Variants in KLHL14 observed in about 807,000 individuals in gnomAD.
The protein encoded by KLHL14 is kelch-like protein 14.
A neutral mutation model predicts 64.3 loss-of-function variants in KLHL14; 22 were observed. The observed-to-expected ratio is 0.34, with a 90% CI of 0.24 to 0.49. KLHL14 has a LOEUF of 0.49. Ranked by LOEUF, KLHL14 falls within the 20% of genes least tolerant of loss-of-function variation. KLHL14 has a pLI of 0.99. For missense variants in KLHL14, 661 were observed against 789.0 expected, an observed-to-expected ratio of 0.84 and a Z score of 1.94; for synonymous variants, 322 against 333.4, an observed-to-expected ratio of 0.97 and a Z score of 0.37.
chr18:32,755,418 G>A (rs2050276757), intron 2 of KLHL14, among the ~76,000 whole-genome samples: 1 of 152,018 alleles, frequency 6.6e-6, no homozygotes, highest in Non-Finnish European at 1.5e-5. Flanking sequence ...ATTCTGTAGT[G>A]CGCTAGGGAC....
intron 2 of KLHL14, among the ~76,000 whole-genome samples, chr18:32,759,532 A>G (rs796615340): frequency 2.6e-5 from 4 of 152,314 alleles, no homozygotes; most frequent in African/African-American, 9.6e-5. Flanking sequence ...AGTGGGTATT[A>G]TGATGTACAT....
intron 3 of KLHL14, among the ~76,000 whole-genome samples, chr18:32,713,297 C>A (rs1020662143): frequency 1.3e-5 from 2 of 152,144 alleles, no homozygotes; most frequent in Non-Finnish European, 1.5e-5. Context: ...TACCAGTGCC[C>A]CCAAACGAAC....
chr18:32,753,892 C>T (rs549234246), intron 2 of KLHL14, among the ~76,000 whole-genome samples: 1 of 152,360 alleles, frequency 6.6e-6, no homozygotes, highest in African/African-American at 2.4e-5. Flanking sequence ...CACCTTTCTT[C>T]TGAAGAGCAT....
At chr18:32,720,473 A>G (rs1456786487) in intron 3 of KLHL14, among the ~76,000 whole-genome samples, 1 of 152,128 alleles carries the variant, frequency 6.6e-6, no homozygotes, top group African/African-American at 2.4e-5. Flanking sequence ...TTCAAAGGCA[A>G]GGTAATTTTA....
Position 32,683,493 on chromosome 18 carries a change from C to T in KLHL14, c.1239-2894G>A, listed in dbSNP as rs942740498. ...ACCAGGTCTCTCTTGACAATGCTCC[C>T]TGCCCCTCTTCGCCACATGAAGAAC... On this transcript the variant is annotated intron_variant, in intron 5 of 8. Coordinates refer to ENST00000359358, the MANE Select transcript of KLHL14 (RefSeq NM_020805.3). The surrounding 1 kb of genome is among the most constrained non-coding windows in gnomAD (Gnocchi z 4.2). 5.3e-5 allele frequency among the ~76,000 whole-genome samples: 8 copies of T among 152,158 alleles called. No homozygotes were observed. Among genetic ancestry groups the T allele is most frequent in the Non-Finnish European group, 1.2e-4 (8 of 68,026 alleles).
chr18:32,768,703 G>T (rs1202242349), intron 2 of KLHL14, among the ~76,000 whole-genome samples: 1 of 152,118 alleles, frequency 6.6e-6, no homozygotes, highest in Non-Finnish European at 1.5e-5. Context: ...AAACACGATT[G>T]TCAATTCCTA....
At chr18:32,704,260 C>T (rs1267342923) in intron 3 of KLHL14, among the ~76,000 whole-genome samples, 2 of 152,040 alleles carry the variant, frequency 1.3e-5, no homozygotes, top group Non-Finnish European at 2.9e-5. Flanking sequence ...ATGATGGCCC[C>T]ATAGTTGACC....
At chr18:32,719,758 C>A (rs550738535) in intron 3 of KLHL14, among the ~76,000 whole-genome samples, 47 of 152,282 alleles carry the variant, frequency 3.1e-4, no homozygotes, top group African/African-American at 1.1e-3. Flanking sequence ...AAACAACAAG[C>A]TTTCTAAGGT....
At chr18:32,742,198 A>T in intron 2 of KLHL14, 149 bp from the exon 3 acceptor site, 1 of 882,348 alleles carries the variant, frequency 1.1e-6, no homozygotes, top group Non-Finnish European at 1.7e-6. Context: ...TGTCTCAACA[A>T]TTTTTTTGAA....
chr18:32,687,481 A>G (rs1412066414), intron 4 of KLHL14, among the ~76,000 whole-genome samples: 1 of 152,188 alleles, frequency 6.6e-6, no homozygotes, highest in South Asian at 2.1e-4. Flanking sequence ...AATCAACCAC[A>G]ATAATCAAAG....
At position 32,755,866 on chromosome 18, in the gene KLHL14, AT is replaced by A. The variant is rs570524053; in HGVS notation, c.947+13778del. Among the ~76,000 whole-genome samples, 467 of 151,790 alleles carry A rather than the reference AT, an allele frequency of 3.1e-3. 5 individuals are homozygous for A. Among genetic ancestry groups the A allele is most frequent in the African/African-American group, 0.011 (453 of 41,390 alleles). ...CTGGAATTGAGGAAAAAGGATCTGA[AT>A]TTTTTTTTCTCTACTAGCTTTACAT... On this transcript the variant is annotated intron_variant, in intron 2 of 8. Transcript: ENST00000359358.
intron 3 of KLHL14, among the ~76,000 whole-genome samples, chr18:32,741,207 A>G (rs2050195337): frequency 6.6e-6 from 1 of 152,220 alleles, no homozygotes. Context: ...TGGTGCACAC[A>G]GCCTGCTGCA....
At chr18:32,720,075 A>G (rs7228463) in intron 3 of KLHL14, among the ~76,000 whole-genome samples, 56,760 of 152,128 alleles carry the variant, frequency 0.37, 12,701 homozygotes, top group African/African-American at 0.63. Flanking sequence ...ATTCCATACC[A>G]AAGAAGAGGC....
At position 32,680,079 on chromosome 18, in the gene KLHL14, AC is replaced by A; in HGVS notation, c.1588+89del. On this transcript the variant is annotated intron_variant, in intron 7 of 8. Transcript: ENST00000359358. The surrounding 1 kb of genome is among the most constrained non-coding windows in gnomAD (Gnocchi z 4.8). ...GGTCAACATGTTTTTTACTTGGTTAACTATGATTATCTAAGGAGAAACCCCC... is the reference window on the plus strand; with the variant it reads ...GGTCAACATGTTTTTTACTTGGTTAATATGATTATCTAAGGAGAAACCCCC... 2 of 1,298,150 alleles carry A rather than the reference AC, an allele frequency of 1.5e-6. No homozygotes were observed. The highest frequency in any genetic ancestry group is 2.1e-6 in the Non-Finnish European group (2 of 942,944). 80.4% of individuals were successfully genotyped at this position (1,298,150 alleles called of 1,614,324 possible).
intron 3 of KLHL14, among the ~76,000 whole-genome samples, chr18:32,708,759 T>C (rs1005759570): frequency 5.9e-5 from 9 of 152,144 alleles, no homozygotes; most frequent in Non-Finnish European, 8.8e-5. Context: ...TCTTTTCTGA[T>C]CACAAATCCT....
intron 4 of KLHL14, among the ~76,000 whole-genome samples, chr18:32,693,121 G>C (rs1384973351): frequency 6.6e-6 from 1 of 152,066 alleles, no homozygotes; most frequent in Non-Finnish European, 1.5e-5. Context: ...GGCTCCTCCT[G>C]CTGAACAGGC....
At chr18:32,744,012 C>G (rs2050212132) in intron 2 of KLHL14, 1 of 152,224 alleles carries the variant, frequency 6.6e-6, no homozygotes, top group South Asian at 2.1e-4. Context: ...AGTCACGATT[C>G]TGTGACTGTC....
chr18:32,741,163 T>C (rs1473154233), intron 3 of KLHL14, among the ~76,000 whole-genome samples: 4 of 152,218 alleles, frequency 2.6e-5, no homozygotes, highest in African/African-American at 9.7e-5. Flanking sequence ...TTTAGTTTTA[T>C]TGACCAGTGC....
chr18:32,713,572 A>G (rs1322112024), intron 3 of KLHL14, among the ~76,000 whole-genome samples: 1 of 152,192 alleles, frequency 6.6e-6, no homozygotes, highest in African/African-American at 2.4e-5. Flanking sequence ...TGGGCAACAT[A>G]GGGAGACCCC....
Sources: gnomAD v4.1 joint callset for allele counts (sites outside exome capture counted in the v4.1 genomes callset) on GRCh38, gnomAD v4.1.1 for gene constraint, Gnocchi (gnomAD v3.1) non-coding constraint, MANE v1.5 for transcripts, NCBI Gene and HGNC (gene_info 2026-07-23, HGNC 2026-07-21) for gene names.